The following SPATA16 variants were observed in gnomAD, a reference collection of about 807,000 sequenced individuals.
The protein encoded by SPATA16 is spermatogenesis associated 16.
A neutral mutation model predicts 63.3 loss-of-function variants in SPATA16; 36 were observed. That is an observed-to-expected ratio of 0.57 (90% CI 0.44 to 0.75). The LOEUF (loss-of-function observed/expected upper bound fraction) is 0.75, where lower values mean the gene tolerates loss of function less well. Ranked by LOEUF, SPATA16 falls within the 30% of genes least tolerant of loss-of-function variation. The pLI is 0.00. For missense variants in SPATA16, 646 were observed against 679.3 expected (o/e 0.95, Z 0.54); for synonymous variants, 203 against 216.7 (o/e 0.94, Z 0.56).
At chr3:172,892,692 A>G (rs950548096) in intron 10 of SPATA16, among the ~76,000 whole-genome samples, 1 of 152,232 alleles carries the variant, frequency 6.6e-6, no homozygotes, top group Admixed American at 6.5e-5. Flanking sequence ...AACAGATTGC[A>G]AATGATAGAA....
chr3:173,107,219 G>A (rs1452035388), intron 2 of SPATA16, among the ~76,000 whole-genome samples: 1 of 151,942 alleles, frequency 6.6e-6, no homozygotes, highest in African/African-American at 2.4e-5. Context: ...ATAAACTGTG[G>A]TTGATTTCTT....
intron 2 of SPATA16, among the ~76,000 whole-genome samples, chr3:173,105,432 C>G (rs1487050255): frequency 6.6e-6 from 1 of 152,224 alleles, no homozygotes; most frequent in East Asian, 1.9e-4. Flanking sequence ...CTGTAACTAG[C>G]AATTTCCTCA....
At chr3:172,933,627 AGTG>A in intron 6 of SPATA16, among the ~76,000 whole-genome samples, 1 of 152,302 alleles carries the variant, frequency 6.6e-6, no homozygotes, top group East Asian at 1.9e-4. Flanking sequence ...GTGGAAACAG[AGTG>A]GTGAGAGATA....
At chr3:173,036,554 C>T (rs1361353828) in intron 3 of SPATA16, among the ~76,000 whole-genome samples, 2 of 152,050 alleles carry the variant, frequency 1.3e-5, no homozygotes, top group South Asian at 2.1e-4. Context: ...TTTAATGTTA[C>T]AGAGTACAAC....
At chr3:173,042,296 A>C (rs1449256604) in intron 3 of SPATA16, among the ~76,000 whole-genome samples, 1 of 152,052 alleles carries the variant, frequency 6.6e-6, no homozygotes, top group African/African-American at 2.4e-5. Context: ...ATCTTGGTTC[A>C]CTGTGGCCTC....
chr3:173,092,139 C>A (rs1378236505), intron 2 of SPATA16, among the ~76,000 whole-genome samples: 1 of 152,144 alleles, frequency 6.6e-6, no homozygotes, highest in Non-Finnish European at 1.5e-5. Context: ...GATGCTCATA[C>A]TGCTTGTGGT....
chr3:172,963,371 A>G (rs1733834331), intron 5 of SPATA16, among the ~76,000 whole-genome samples: 1 of 152,112 alleles, frequency 6.6e-6, no homozygotes, highest in African/African-American at 2.4e-5. Context: ...GGTTACTTGT[A>G]GCAAGGGAAA....
At chr3:173,002,994 G>A (rs1734859645) in intron 4 of SPATA16, among the ~76,000 whole-genome samples, 1 of 152,112 alleles carries the variant, frequency 6.6e-6, no homozygotes, top group Admixed American at 6.5e-5. Flanking sequence ...GCTTGATATT[G>A]AAGAAGATTT....
At chr3:172,923,844 A>C (rs1732668310) in intron 8 of SPATA16, among the ~76,000 whole-genome samples, 1 of 152,236 alleles carries the variant, frequency 6.6e-6, no homozygotes, top group Non-Finnish European at 1.5e-5. Context: ...TGAGATGGTT[A>C]TATGCAATAG....
chr3:172,972,549 A>G (rs532354057), intron 5 of SPATA16, among the ~76,000 whole-genome samples: 7 of 152,318 alleles, frequency 4.6e-5, no homozygotes, highest in African/African-American at 1.7e-4. Context: ...CCTTCTTAGA[A>G]TAATTTGATG....
intron 5 of SPATA16, among the ~76,000 whole-genome samples, chr3:172,969,526 C>T (rs992073581): frequency 2.0e-5 from 3 of 152,102 alleles, no homozygotes; most frequent in Non-Finnish European, 2.9e-5. Context: ...TTTTTAGTAT[C>T]CCACTCAACT....
At position 173,117,287 on chromosome 3, in the gene SPATA16, G is replaced by C; in HGVS notation, c.445C>G (p.Gln149Glu). 1 of 1,614,136 alleles carries C rather than the reference G, an allele frequency of 6.2e-7. No individual in the cohort carries two copies. The highest frequency in any genetic ancestry group is 8.5e-7 in the Non-Finnish European group (1 of 1,180,000). ...ATTTCAGCAGCTTGGCATGTTGGCT[G>C]ACTCCCAGTAGACATGAAGGACTCT... Reference protein sequence around the residue: ...FVESFMSTGSQPTCQAAEIVD... With the variant: ...FVESFMSTGSEPTCQAAEIVD... The change falls in exon 2 of 11, where the codon CAG (glutamine) becomes GAG (glutamate). Residue 149 changes from glutamine to glutamate, a missense_variant. Physicochemically the swap from Gln to Glu is conservative, Grantham distance 29. Coordinates refer to ENST00000351008, the MANE Select transcript of SPATA16 (RefSeq NM_031955.6).
intron 5 of SPATA16, among the ~76,000 whole-genome samples, chr3:172,973,271 G>T (rs975516354): frequency 1.3e-5 from 2 of 152,090 alleles, no homozygotes; most frequent in African/African-American, 4.8e-5. Flanking sequence ...TTTCATGTGT[G>T]TGTGTGTTTA....
chr3:173,140,306 A>G (rs2108353658), intron 1 of SPATA16, among the ~76,000 whole-genome samples: 1 of 152,318 alleles, frequency 6.6e-6, no homozygotes, highest in South Asian at 2.1e-4. Flanking sequence ...CACTTCCCTG[A>G]TGCTTCAAAA....
At chr3:172,959,580 A>G (rs987633045) in intron 5 of SPATA16, among the ~76,000 whole-genome samples, 31 of 152,250 alleles carry the variant, frequency 2.0e-4, no homozygotes, top group South Asian at 2.1e-4. Context: ...CTCCATGGAG[A>G]TGCTTTCTTA....
intron 4 of SPATA16, among the ~76,000 whole-genome samples, chr3:173,001,268 G>GTTTTTTTTTTTGTT (rs56882833): frequency 0.025 from 3,389 of 137,436 alleles, 185 homozygotes; most frequent in African/African-American, 0.087. Flanking sequence ...CTTCTCAGTT[G>GTTTTTTTTTTTGTT]TTTTTTTTTT....
chr3:172,928,020 C>T (rs565619440), intron 6 of SPATA16, among the ~76,000 whole-genome samples: 3 of 152,230 alleles, frequency 2.0e-5, no homozygotes, highest in Admixed American at 2.0e-4. Context: ...AGCAATTCTC[C>T]TGCCTCAGCC....
intron 2 of SPATA16, among the ~76,000 whole-genome samples, chr3:173,099,731 TCTC>T (rs1297314265): frequency 2.0e-5 from 3 of 152,140 alleles, no homozygotes; most frequent in Admixed American, 2.0e-4. Flanking sequence ...GCACAGCACA[TCTC>T]CTTGTGATAG....
intron 3 of SPATA16, among the ~76,000 whole-genome samples, chr3:173,024,035 G>A (rs1043442230): frequency 1.3e-5 from 2 of 151,514 alleles, no homozygotes; most frequent in South Asian, 2.1e-4. Flanking sequence ...ACATTTTAAC[G>A]AGATTCTTAG....
Sources: gnomAD v4.1 joint callset for allele counts (sites outside exome capture counted in the v4.1 genomes callset) on GRCh38, gnomAD v4.1.1 for gene constraint, MANE v1.5 for transcripts, NCBI Gene and HGNC (gene_info 2026-07-23, HGNC 2026-07-21) for gene names.